The following ANGPTL5 variants were observed in gnomAD, a reference collection of about 807,000 sequenced individuals.
ANGPTL5 encodes the protein angiopoietin like 5.
A neutral mutation model predicts 39.4 loss-of-function variants in ANGPTL5; 34 were observed. The ratio of observed to expected loss-of-function variants is 0.86; its 90% CI spans 0.66 to 1.15. The LOEUF (loss-of-function observed/expected upper bound fraction) is 1.15, where lower values mean the gene tolerates loss of function less well. Ranked by LOEUF, ANGPTL5 falls within the 50% of genes most tolerant of loss-of-function variation. ANGPTL5 has a pLI of 0.00. For synonymous variants in ANGPTL5, 146 were observed against 152.1 expected, an observed-to-expected ratio of 0.96 and a Z score of 0.29; for missense variants, 467 against 457.5, an observed-to-expected ratio of 1.02 and a Z score of -0.19.
At chr11:101,910,719 C>A (rs1213564170) in intron 1 of ANGPTL5, among the ~76,000 whole-genome samples, 1 of 152,098 alleles carries the variant, frequency 6.6e-6, no homozygotes, top group Non-Finnish European at 1.5e-5. Context: ...TCGCTTACTG[C>A]AACCATCCAC....
At chr11:101,910,216 G>GGTTTCT (rs1041472788) in intron 1 of ANGPTL5, among the ~76,000 whole-genome samples, 1 of 151,942 alleles carries the variant, frequency 6.6e-6, no homozygotes, top group Non-Finnish European at 1.5e-5. Flanking sequence ...TTTGAGGCCA[G>GGTTTCT]CCTGACCAAC....
chr11:101,908,651 G>T (rs565327295), intron 1 of ANGPTL5, among the ~76,000 whole-genome samples: 2 of 151,854 alleles, frequency 1.3e-5, no homozygotes, highest in East Asian at 1.9e-4. Context: ...GTTGTAGCAG[G>T]TGCCTGTAAT....
intron 1 of ANGPTL5, among the ~76,000 whole-genome samples, chr11:101,911,094 C>CTTTTTTTTTTT (rs71059524): frequency 1.8e-5 from 1 of 54,992 alleles, no homozygotes; most frequent in Non-Finnish European, 3.4e-5. Flanking sequence ...CTACCCAAAT[C>CTTTTTTTTTTT]TTTTTTTTTT....
chr11:101,915,082 G>T, intron 1 of ANGPTL5: 1 of 667,706 alleles, frequency 1.5e-6, no homozygotes, highest in Non-Finnish European at 2.3e-6. Flanking sequence ...CGGCGAGGTC[G>T]CCGCTGCCTC....
At chr11:101,905,901 T>C (rs569353182) in intron 3 of ANGPTL5, 54 bp from the exon 4 acceptor site, 3 of 1,038,822 alleles carry the variant, frequency 2.9e-6, no homozygotes, top group South Asian at 2.6e-5. Flanking sequence ...AGAAAACAAT[T>C]ACAGTGAAAA....
chr11:101,905,822 G>A lies in ANGPTL5; in HGVS notation c.267C>T (p.Ser89=). 1 of 1,610,596 alleles carries A rather than the reference G, an allele frequency of 6.2e-7. No individual in the cohort carries two copies. Among genetic ancestry groups the A allele is most frequent in the Non-Finnish European group, 8.5e-7 (1 of 1,178,166 alleles). The change falls in exon 4 of 9, where the codon TCC becomes TCT. Residue 89 remains serine (S), a synonymous_variant. Transcript: ENST00000334289. ...GTAGTTTTTTGGTACTTCTTGTGTA[G>A]GAAACAATAGAATTTTGCAAATTTC... ...MCRNLQNSIV[S]YTRSTKKLLR... is the part of the protein sequence containing the mutation.
intron 7 of ANGPTL5, among the ~76,000 whole-genome samples, chr11:101,895,656 C>A (rs1939778406): frequency 6.6e-6 from 1 of 152,060 alleles, no homozygotes; most frequent in Non-Finnish European, 1.5e-5. Flanking sequence ...TTGGAATATC[C>A]CCGGGTTTAG....
chr11:101,891,216 T>A lies in ANGPTL5; in HGVS notation c.*63A>T, dbSNP rs1939685925. On this transcript the variant is annotated 3_prime_UTR_variant, in exon 9 of 9. Transcript: ENST00000334289. ...ATGTTTGAAACACTAAGTGAAAAGATAAACTTTTAAAAATCTTTAATATAT... is the reference window on the plus strand; with the variant it reads ...ATGTTTGAAACACTAAGTGAAAAGAAAAACTTTTAAAAATCTTTAATATAT... The A allele has an allele frequency of 6.9e-7, 1 of 1,452,680 alleles. No individual in the cohort carries two copies. 90.0% of individuals were successfully genotyped at this position (1,452,680 alleles called of 1,614,324 possible). A position where few individuals can be genotyped will look rare whatever the true frequency, so the allele number is the denominator to read the frequency against.
chr11:101,895,438 C>T (rs141070167), intron 7 of ANGPTL5, among the ~76,000 whole-genome samples: 87 of 152,084 alleles, frequency 5.7e-4, no homozygotes, highest in African/African-American at 1.9e-3. Flanking sequence ...AACATAAAAC[C>T]AATTGAAATA....
chr11:101,907,505 C>CT (rs139474333), intron 2 of ANGPTL5, among the ~76,000 whole-genome samples: 4 of 150,944 alleles, frequency 2.6e-5, no homozygotes, highest in Non-Finnish European at 5.9e-5. Flanking sequence ...TGTGGAACAG[C>CT]TTTTTTTTTA....
At chr11:101,893,673 A>C (rs2137049524) in intron 8 of ANGPTL5, among the ~76,000 whole-genome samples, 1 of 152,298 alleles carries the variant, frequency 6.6e-6, no homozygotes, top group East Asian at 1.9e-4. Flanking sequence ...CCACCTTTAG[A>C]TAGTTCTTTG....
chr11:101,900,638 G>T (rs145923567), intron 6 of ANGPTL5, 88 bp from the exon 7 acceptor site: 2 of 1,432,522 alleles, frequency 1.4e-6, no homozygotes, highest in Admixed American at 3.4e-5. Context: ...CTTAGGCTTA[G>T]AAAAAGAGAC....
chr11:101,898,638 A>G (rs974733159), intron 7 of ANGPTL5, among the ~76,000 whole-genome samples: 7 of 152,004 alleles, frequency 4.6e-5, no homozygotes, highest in African/African-American at 1.4e-4. Flanking sequence ...CCCTTTATTT[A>G]TTTCTCTTGC....
At chr11:101,893,160 C>T (rs964889352) in intron 8 of ANGPTL5, among the ~76,000 whole-genome samples, 5 of 152,158 alleles carry the variant, frequency 3.3e-5, no homozygotes, top group African/African-American at 1.2e-4. Context: ...TATGCATAGG[C>T]TTATTTCCTT....
chr11:101,913,506 CCCT>C (rs2137069333), intron 1 of ANGPTL5, among the ~76,000 whole-genome samples: 1 of 152,302 alleles, frequency 6.6e-6, no homozygotes, highest in African/African-American at 2.4e-5. Context: ...TGTGGGATGG[CCCT>C]CCTTTCAGGC....
chr11:101,896,823 C>A (rs1419160000), intron 7 of ANGPTL5, among the ~76,000 whole-genome samples: 4 of 152,144 alleles, frequency 2.6e-5, no homozygotes, highest in African/African-American at 9.7e-5. Context: ...CGTACATGTA[C>A]ATGTGTCTTT....
chr11:101,895,241 C>A (rs909068440), intron 7 of ANGPTL5, among the ~76,000 whole-genome samples, 177 bp from the exon 8 acceptor site: 6 of 152,100 alleles, frequency 3.9e-5, no homozygotes, highest in Non-Finnish European at 8.8e-5. Flanking sequence ...ATAAAACAAA[C>A]AAAATTCCTA....
intron 4 of ANGPTL5, among the ~76,000 whole-genome samples, chr11:101,905,145 C>A (rs575731554): frequency 3.3e-5 from 5 of 152,332 alleles, no homozygotes; most frequent in African/African-American, 9.6e-5. Context: ...TCTTGCACAT[C>A]TGCCCTTCAT....
chr11:101,898,527 GT>G (rs1380646996), intron 7 of ANGPTL5, among the ~76,000 whole-genome samples: 2 of 152,180 alleles, frequency 1.3e-5, no homozygotes, highest in African/African-American at 2.4e-5. Flanking sequence ...TTGCTTATCA[GT>G]TTAAGGAACT....
Sources: gnomAD v4.1 joint callset for allele counts (sites outside exome capture counted in the v4.1 genomes callset) on GRCh38, gnomAD v4.1.1 for gene constraint, MANE v1.5 for transcripts, NCBI Gene and HGNC (gene_info 2026-07-23, HGNC 2026-07-21) for gene names.